Variants in ARFIP1 observed in about 807,000 individuals in gnomAD.
The protein encoded by ARFIP1 is ARF interacting protein 1.
In ARFIP1, 24 loss-of-function variants were observed where a neutral mutation model predicts 42.5. That is an observed-to-expected ratio of 0.57 (90% CI 0.41 to 0.80). The LOEUF (loss-of-function observed/expected upper bound fraction) is 0.80. Among genes scored for constraint, ARFIP1 ranks in the 30% least tolerant of loss-of-function variants. The pLI is 0.00. For synonymous variants in ARFIP1, 141 were observed against 153.7 expected (o/e 0.92, Z 0.61); for missense variants, 354 against 434.0 (o/e 0.82, Z 1.64).
intron 1 of ARFIP1, among the ~76,000 whole-genome samples, chr4:152,793,972 A>G (rs1731281433): frequency 6.6e-6 from 1 of 152,086 alleles, no homozygotes; most frequent in African/African-American, 2.4e-5. Context: ...TTTTATTTAA[A>G]GGGTAATTCC....
chr4:152,884,978 A>G (rs1451043399), intron 7 of ARFIP1, among the ~76,000 whole-genome samples: 3 of 152,074 alleles, frequency 2.0e-5, no homozygotes, highest in African/African-American at 4.8e-5. Flanking sequence ...AAAAAACAAC[A>G]ACAGTAATGT....
In ARFIP1 at chr4:152,892,187, G is replaced by A. The variant is rs141221837; in HGVS notation, c.966+3880G>A. The stretch of plus-strand genomic sequence containing the variant: ...CTCCCAAGCAGCTGGGACTACAGGC[G>A]CATGCCACCACATCCTGCTAGTCAT... On this transcript the variant is annotated intron_variant, in intron 8 of 8. Coordinates refer to ENST00000353617, the MANE Select transcript of ARFIP1 (RefSeq NM_001025595.3). 2.1e-3 allele frequency among the ~76,000 whole-genome samples: 319 copies of A among 152,112 alleles called. 1 individual carries two copies. Among genetic ancestry groups the A allele is most frequent in the African/African-American group, 7.2e-3 (300 of 41,484 alleles).
At chr4:152,796,917 A>T in intron 1 of ARFIP1, 1 of 361,088 alleles carries the variant, frequency 2.8e-6, no homozygotes, top group Non-Finnish European at 5.0e-6. Flanking sequence ...AATTCTTTAT[A>T]TATTAGCCTT....
intron 1 of ARFIP1, among the ~76,000 whole-genome samples, chr4:152,782,117 A>G (rs1409866518): frequency 1.3e-5 from 2 of 151,486 alleles, no homozygotes; most frequent in African/African-American, 4.9e-5. Context: ...ACAGGTGTGT[A>G]TGTGTGTGTG....
At chr4:152,781,181 T>C (rs890252336) in intron 1 of ARFIP1, among the ~76,000 whole-genome samples, 1 of 152,122 alleles carries the variant, frequency 6.6e-6, no homozygotes, top group Non-Finnish European at 1.5e-5. Flanking sequence ...CCAGAAATGG[T>C]TACCTTAAGT....
chr4:152,840,713 C>CTTTTTT (rs764318893), intron 2 of ARFIP1, among the ~76,000 whole-genome samples: 20 of 107,782 alleles, frequency 1.9e-4, no homozygotes, highest in Non-Finnish European at 2.0e-4. Context: ...GGCTCTGTAT[C>CTTTTTT]TTTTTTTTTT....
intron 1 of ARFIP1, chr4:152,809,819 A>G (rs1048492756): frequency 6.6e-6 from 1 of 152,156 alleles, no homozygotes; most frequent in African/African-American, 2.4e-5. Context: ...TCTACATACA[A>G]CTCAAGAAAA....
chr4:152,785,406 G>A (rs921284246), intron 1 of ARFIP1, among the ~76,000 whole-genome samples: 3 of 152,172 alleles, frequency 2.0e-5, no homozygotes, highest in African/African-American at 7.2e-5. Context: ...GATGGATCAG[G>A]AATTTATACC....
intron 1 of ARFIP1, 63 bp from the exon 2 acceptor site, chr4:152,829,562 A>G: frequency 1.8e-6 from 2 of 1,096,498 alleles, no homozygotes; most frequent in Non-Finnish European, 2.7e-6. Flanking sequence ...AGTACTATAA[A>G]CATGAATATA....
At chr4:152,887,478 G>A (rs1051487171) in intron 7 of ARFIP1, among the ~76,000 whole-genome samples, 1 of 151,954 alleles carries the variant, frequency 6.6e-6, no homozygotes, top group Non-Finnish European at 1.5e-5. Context: ...GGATAGAAGT[G>A]TAAAATACAC....
chr4:152,796,735 C>G, intron 1 of ARFIP1: 1 of 791,776 alleles, frequency 1.3e-6, no homozygotes, highest in East Asian at 2.5e-5. Context: ...CTTCTTTGAA[C>G]ATTCTTGAGC....
Position 152,829,540 on chromosome 4 carries a change from C to T in ARFIP1, c.-9-85C>T, listed in dbSNP as rs115502962. 2,216 of 747,122 alleles carry T rather than the reference C, an allele frequency of 3.0e-3. 34 individuals are homozygous for T. The highest frequency in any genetic ancestry group is 0.029 in the African/African-American group (1,659 of 56,958). The allele number at this position is 747,122 out of a possible 1,614,324, so 46.3% of individuals were successfully genotyped here. On this transcript the variant is annotated intron_variant, in intron 1 of 8. Coordinates refer to ENST00000353617, the MANE Select transcript of ARFIP1 (RefSeq NM_001025595.3). ...GTTGCAATGATAAAAAATATTAAAACGGTGGCTTGTAAGTACTATAAACAT... is the reference window on the plus strand; with the variant it reads ...GTTGCAATGATAAAAAATATTAAAATGGTGGCTTGTAAGTACTATAAACAT...
chr4:152,840,217 T>C (rs766154416), intron 2 of ARFIP1, among the ~76,000 whole-genome samples: 6 of 152,204 alleles, frequency 3.9e-5, no homozygotes, highest in Non-Finnish European at 7.3e-5. Flanking sequence ...ATAGAATGTG[T>C]ATTCTGTGGT....
chr4:152,805,948 A>G (rs1031566060), intron 1 of ARFIP1, among the ~76,000 whole-genome samples: 18 of 152,330 alleles, frequency 1.2e-4, no homozygotes, highest in South Asian at 8.3e-4. Context: ...AAGCCTCACA[A>G]TGTGGAGGCT....
chr4:152,888,179 G>A lies in ARFIP1; in HGVS notation c.838G>A (p.Gly280Arg). The change falls in exon 8 of 9, where the codon GGA becomes AGA. Residue 280 changes from glycine (G) to arginine (R), a missense_variant. Physicochemically the swap from Gly to Arg is moderately radical, Grantham distance 125. Transcript: ENST00000353617. ...CACTGATTTGGAAGAACTGAATCTT[G>A]GACCACGTGACGCAAACACTCTGCC... ...YRTDLEELNL[G>R]PRDANTLPKI... The A allele has an allele frequency of 6.2e-7, 1 of 1,611,676 alleles. No homozygotes were observed. The highest frequency in any genetic ancestry group is 1.1e-5 in the South Asian group (1 of 90,720).
At chr4:152,811,230 C>T (rs944744316) in intron 1 of ARFIP1, among the ~76,000 whole-genome samples, 49 of 149,276 alleles carry the variant, frequency 3.3e-4, no homozygotes, top group African/African-American at 1.2e-3. Flanking sequence ...TTGAATAAAT[C>T]TTTACTTAAT....
At chr4:152,878,630 C>G (rs552836901) in intron 5 of ARFIP1, among the ~76,000 whole-genome samples, 1 of 152,256 alleles carries the variant, frequency 6.6e-6, no homozygotes, top group East Asian at 1.9e-4. Flanking sequence ...TCTTAATTTG[C>G]CTTATAATCA....
chr4:152,893,754 G>A (rs1238553462), intron 8 of ARFIP1, among the ~76,000 whole-genome samples: 1 of 152,080 alleles, frequency 6.6e-6, no homozygotes, highest in Non-Finnish European at 1.5e-5. Flanking sequence ...AGAAGAAGAT[G>A]AACCAGACTT....
chr4:152,892,136 G>C (rs954734969), intron 8 of ARFIP1, among the ~76,000 whole-genome samples: 1 of 151,956 alleles, frequency 6.6e-6, no homozygotes, highest in Non-Finnish European at 1.5e-5. Context: ...TGAACTTCTG[G>C]ACTCAAGCAG....
Sources: allele counts gnomAD v4.1 joint callset (sites outside exome capture counted in the v4.1 genomes callset), GRCh38; gene constraint gnomAD v4.1.1; transcripts MANE v1.5; gene names NCBI Gene and HGNC (gene_info 2026-07-23, HGNC 2026-07-21).